Variants in AGTPBP1 observed in about 807,000 individuals in gnomAD.
AGTPBP1 encodes cytosolic carboxypeptidase 1.
A neutral mutation model predicts 143.9 loss-of-function variants in AGTPBP1; 70 were observed. That is an observed-to-expected ratio of 0.49 (90% CI 0.40 to 0.59). AGTPBP1 has a LOEUF of 0.59. AGTPBP1 is among the 20% of genes least tolerant of loss of function. The pLI is 0.00. For synonymous variants in AGTPBP1, 463 were observed against 500.2 expected (o/e 0.93, Z 0.99); for missense variants, 1,229 against 1,464.5 (o/e 0.84, Z 2.62).
chr9:85,674,483 C>G (rs1238963903), intron 6 of AGTPBP1, among the ~76,000 whole-genome samples: 1 of 151,830 alleles, frequency 6.6e-6, no homozygotes, highest in African/African-American at 2.4e-5. Context: ...CATAACAATA[C>G]TCATCAATAA....
the AGTPBP1 span, among the ~76,000 whole-genome samples, chr9:85,776,960 G>A: frequency 6.6e-6 from 1 of 152,092 alleles, no homozygotes; most frequent in Non-Finnish European, 1.5e-5. Context: ...GAGCATACAC[G>A]GCCTTCTGGA....
the AGTPBP1 span, among the ~76,000 whole-genome samples, chr9:85,782,571 G>T: frequency 1.3e-5 from 2 of 152,114 alleles, no homozygotes; most frequent in African/African-American, 4.8e-5. Context: ...ACATTTTCAA[G>T]AATAATTCCC....
chr9:85,739,017 A>C (rs965937088), intron 1 of AGTPBP1, among the ~76,000 whole-genome samples: 1 of 152,196 alleles, frequency 6.6e-6, no homozygotes, highest in Non-Finnish European at 1.5e-5. Flanking sequence ...AAGAGTATAC[A>C]CTAATATTAT....
chr9:85,727,739 T>C (rs376276428), intron 1 of AGTPBP1, among the ~76,000 whole-genome samples: 20 of 152,246 alleles, frequency 1.3e-4, no homozygotes, highest in Non-Finnish European at 2.5e-4. Flanking sequence ...TTAAGGCCAG[T>C]TGTGTTGATT....
chr9:85,699,702 C>T (rs1284389019), intron 2 of AGTPBP1, among the ~76,000 whole-genome samples: 2 of 151,742 alleles, frequency 1.3e-5, no homozygotes, highest in Non-Finnish European at 2.9e-5. Flanking sequence ...TCAAAATGCA[C>T]CTTATCTTTC....
At chr9:85,588,971 A>G (rs1828784331) in intron 20 of AGTPBP1, among the ~76,000 whole-genome samples, 1 of 152,174 alleles carries the variant, frequency 6.6e-6, no homozygotes, top group African/African-American at 2.4e-5. Flanking sequence ...ATACAAGTCT[A>G]CAAAATAATC....
At chr9:85,660,317 A>C (rs1833780025) in intron 9 of AGTPBP1, among the ~76,000 whole-genome samples, 2 of 152,186 alleles carry the variant, frequency 1.3e-5, no homozygotes, top group African/African-American at 4.8e-5. Flanking sequence ...GCCCCCCAAA[A>C]AAATATTTAA....
intron 8 of AGTPBP1, among the ~76,000 whole-genome samples, chr9:85,664,980 A>C (rs1475984441): frequency 6.6e-6 from 1 of 152,196 alleles, no homozygotes; most frequent in African/African-American, 2.4e-5. Flanking sequence ...TATGCAAACT[A>C]TGCAAAGTTA....
intron 4 of AGTPBP1, among the ~76,000 whole-genome samples, chr9:85,680,533 G>A (rs997181010): frequency 4.0e-5 from 6 of 151,584 alleles, no homozygotes; most frequent in African/African-American, 1.2e-4. Flanking sequence ...GCATTGAGCC[G>A]AGATTGCACC....
chr9:85,785,903 C>T, the AGTPBP1 span: 2 of 458,590 alleles, frequency 4.4e-6, no homozygotes, highest in Admixed American at 4.0e-5. Context: ...GAGTTATTCA[C>T]ATGCAAGATG....
chr9:85,657,735 G>A, intron 9 of AGTPBP1, 92 bp from the exon 10 acceptor site: 4 of 784,120 alleles, frequency 5.1e-6, no homozygotes, highest in Non-Finnish European at 7.8e-6. Flanking sequence ...TCAATATTGT[G>A]ATGGATACTT....
At position 85,589,611 on chromosome 9, in the gene AGTPBP1, T is replaced by C; in HGVS notation, c.2639A>G (p.Glu880Gly). The C allele has an allele frequency of 6.2e-7, 1 of 1,613,722 alleles. No individual in the cohort carries two copies. Residue 880 changes from glutamate to glycine, a missense_variant, in exon 20 of 26, where the codon GAA (glutamate) becomes GGA (glycine). Transcript: ENST00000357081. ...GGGGCAGCTGTTTCCAGACAGGGTT[T>C]CACATAACACATCTTTCCGAAAATA... ...QIYFRKDVLC[E>G]TLSGNSCPLV... is the part of the protein sequence containing the mutation.
intron 21 of AGTPBP1, among the ~76,000 whole-genome samples, chr9:85,587,746 T>C (rs1001540091): frequency 6.6e-6 from 1 of 152,160 alleles, no homozygotes; most frequent in African/African-American, 2.4e-5. Context: ...TACAGAGACC[T>C]TGTCAAATTA....
chr9:85,551,422 T>G (rs1214317634), intron 25 of AGTPBP1, among the ~76,000 whole-genome samples: 1 of 152,186 alleles, frequency 6.6e-6, no homozygotes, highest in African/African-American at 2.4e-5. Context: ...ACATTCTATC[T>G]GATCACTTCA....
intron 17 of AGTPBP1, among the ~76,000 whole-genome samples, chr9:85,598,094 T>C (rs1262355995): frequency 1.3e-5 from 2 of 152,170 alleles, no homozygotes; most frequent in Non-Finnish European, 2.9e-5. Context: ...AATAAACATA[T>C]TTTTAAAAAT....
rs138360954 is a variant in AGTPBP1 at position 85,735,451 on chromosome 9, G to A, written c.-34+6324C>T. Among the ~76,000 whole-genome samples the A allele has an allele frequency of 6.8e-3, 1,040 of 152,282 alleles. 9 individuals carry two copies. The highest frequency in any genetic ancestry group is 0.019 in the South Asian group (90 of 4,822). Reference sequence around the variant, plus strand: ...AGAAGATAAAAGAAGTTCCATAGATGTATGGTGGTGGCTGCCGCACAACAA... The same window carrying A: ...AGAAGATAAAAGAAGTTCCATAGATATATGGTGGTGGCTGCCGCACAACAA... On this transcript the variant is annotated intron_variant, in intron 1 of 25. Coordinates refer to ENST00000357081, the MANE Select transcript of AGTPBP1 (RefSeq NM_001330701.2).
chr9:85,604,002 G>T (rs371697471), intron 17 of AGTPBP1, among the ~76,000 whole-genome samples: 2 of 152,202 alleles, frequency 1.3e-5, no homozygotes, highest in Non-Finnish European at 2.9e-5. Flanking sequence ...TAACATTCCC[G>T]ACTCTAGGCC....
At chr9:85,559,062 G>T (rs1826529335) in intron 25 of AGTPBP1, among the ~76,000 whole-genome samples, 1 of 152,114 alleles carries the variant, frequency 6.6e-6, no homozygotes, top group Non-Finnish European at 1.5e-5. Context: ...TTAAATGAAG[G>T]TCACTGAAAC....
chr9:85,792,562 C>T, the AGTPBP1 span, among the ~76,000 whole-genome samples: 7 of 152,190 alleles, frequency 4.6e-5, no homozygotes, highest in Non-Finnish European at 1.0e-4. Flanking sequence ...TAGAAAGACA[C>T]AGGCTGTAAT....
Sources: allele counts gnomAD v4.1 joint callset (sites outside exome capture counted in the v4.1 genomes callset), GRCh38; gene constraint gnomAD v4.1.1; transcripts MANE v1.5; gene names NCBI Gene and HGNC (gene_info 2026-07-23, HGNC 2026-07-21).